The following TTLL5 variants were observed in gnomAD, a reference collection of about 807,000 sequenced individuals.
TTLL5 encodes tubulin polyglutamylase TTLL5.
TTLL5 carries 132 observed loss-of-function variants against 168.4 expected under a neutral mutation model. The observed-to-expected ratio is 0.78, with a 90% CI of 0.68 to 0.91. TTLL5 has a LOEUF of 0.91. TTLL5 is among the 40% of genes least tolerant of loss of function. The pLI is 0.00. For missense variants in TTLL5, 1,545 were observed against 1,581.5 expected, an observed-to-expected ratio of 0.98 and a Z score of 0.39; for synonymous variants, 546 against 558.6, an observed-to-expected ratio of 0.98 and a Z score of 0.32.
At chr14:75,745,697 A>G (rs1889566212) in intron 17 of TTLL5, 116 bp downstream of exon 17, 1 of 770,036 alleles carries the variant, frequency 1.3e-6, no homozygotes, top group Middle Eastern at 3.2e-4. Context: ...TTGTTTATTT[A>G]TAATATGATA....
intron 24 of TTLL5, 29 bp from the exon 25 acceptor site, chr14:75,782,458 G>C: frequency 6.4e-7 from 1 of 1,563,462 alleles, no homozygotes; most frequent in Non-Finnish European, 8.8e-7. Context: ...GATTATAAGA[G>C]AGTCCAAGCT....
At chr14:75,706,089 T>A (rs563592374) in intron 7 of TTLL5, among the ~76,000 whole-genome samples, 1 of 152,308 alleles carries the variant, frequency 6.6e-6, no homozygotes, top group African/African-American at 2.4e-5. Flanking sequence ...CTGGGCTTGG[T>A]GCGTGCCATC....
intron 31 of TTLL5, among the ~76,000 whole-genome samples, chr14:75,912,415 C>T (rs2033429507): frequency 6.6e-6 from 1 of 152,200 alleles, no homozygotes; most frequent in African/African-American, 2.4e-5. Context: ...GGGATTGTAG[C>T]TAGGCAGGTA....
At chr14:75,916,366 G>A (rs1464247897) in intron 31 of TTLL5, among the ~76,000 whole-genome samples, 2 of 151,854 alleles carry the variant, frequency 1.3e-5, no homozygotes, top group Admixed American at 6.6e-5. Flanking sequence ...TACTGGCCAG[G>A]TGCAGTGGCT....
At chr14:75,773,513 C>T (rs1318062391) in intron 21 of TTLL5, among the ~76,000 whole-genome samples, 5 of 152,126 alleles carry the variant, frequency 3.3e-5, no homozygotes, top group African/African-American at 1.2e-4. Context: ...GGAATTCACA[C>T]AGTATTTCTT....
At chr14:75,951,065 C>G (rs2034946699) in intron 31 of TTLL5, among the ~76,000 whole-genome samples, 1 of 151,812 alleles carries the variant, frequency 6.6e-6, no homozygotes, top group South Asian at 2.1e-4. Context: ...TTATCTGGGC[C>G]AGGTGTGGTG....
rs886236916 is a variant in TTLL5, at chr14:75,704,963, T to G, written c.586-2055T>G. Reference sequence around the variant, plus strand: ...TGACCACTATCAGCATATTCTCTGCTGTGGAGAAAAGTTGGGTGAGTAGAT... The same window carrying G: ...TGACCACTATCAGCATATTCTCTGCGGTGGAGAAAAGTTGGGTGAGTAGAT... On this transcript the variant is annotated intron_variant, in intron 7 of 31. Transcript: ENST00000298832. Among the ~76,000 whole-genome samples, 9 of 152,334 alleles carry G rather than the reference T, an allele frequency of 5.9e-5. 1 individual carries two copies. Among genetic ancestry groups the G allele is most frequent in the South Asian group, 2.1e-4 (1 of 4,832 alleles).
rs1891172232 is a variant in TTLL5 at position 75,769,825 on chromosome 14, G to A, written c.2016-1909G>A. On this transcript the variant is annotated intron_variant, in intron 20 of 31. Transcript: ENST00000298832. ...GCTTATAGGATTGATTCAGGGTAAA[G>A]TGATATATGCTCTCTGGGTAAACAA... 2.0e-5 allele frequency among the ~76,000 whole-genome samples: 3 copies of A among 152,124 alleles called. No individual in the cohort carries two copies. The South Asian group carries it at 6.2e-4, about 31-fold the overall frequency.
intron 26 of TTLL5, among the ~76,000 whole-genome samples, chr14:75,784,704 C>T (rs778413251): frequency 1.3e-4 from 20 of 152,148 alleles, no homozygotes; most frequent in Non-Finnish European, 2.2e-4. Context: ...TTACTAACAG[C>T]AATGTTTGAG....
At chr14:75,886,567 A>G in intron 30 of TTLL5, 1 of 1,075,866 alleles carries the variant, frequency 9.3e-7, no homozygotes, top group Non-Finnish European at 1.3e-6. Context: ...ATATACTTGT[A>G]TTTCATTTAG....
intron 3 of TTLL5, among the ~76,000 whole-genome samples, chr14:75,672,117 A>G (rs1361232519): frequency 6.6e-6 from 1 of 152,198 alleles, no homozygotes; most frequent in African/African-American, 2.4e-5. Flanking sequence ...AACTGAAATG[A>G]TATTTCCCCC....
At chr14:75,666,070 A>C (rs17103566) in intron 2 of TTLL5, among the ~76,000 whole-genome samples, 2 of 152,076 alleles carry the variant, frequency 1.3e-5, no homozygotes, top group Non-Finnish European at 2.9e-5. Context: ...TTTAACTGTT[A>C]ATCTTGTTTC....
At chr14:75,679,066 A>G (rs1884396403) in intron 3 of TTLL5, among the ~76,000 whole-genome samples, 2 of 152,242 alleles carry the variant, frequency 1.3e-5, no homozygotes, top group South Asian at 4.1e-4. Context: ...GGTAGGCAGA[A>G]TAATGGTCCC....
intron 9 of TTLL5, chr14:75,711,456 C>T (rs991222339): frequency 3.3e-5 from 5 of 152,120 alleles, no homozygotes; most frequent in African/African-American, 1.2e-4. Context: ...GATGAGTTGA[C>T]AGAGCCCTTT....
chr14:75,734,639 C>T (rs920604462), intron 14 of TTLL5, among the ~76,000 whole-genome samples: 1 of 152,078 alleles, frequency 6.6e-6, no homozygotes, highest in Non-Finnish European at 1.5e-5. Context: ...CTCTATTCTC[C>T]CTGGATGGGA....
At position 75,779,620 on chromosome 14, in the gene TTLL5, C is replaced by A. The variant is rs1311697928; in HGVS notation, c.2433C>A (p.Asn811Lys). 6.2e-7 allele frequency: 1 copy of A among 1,613,672 alleles called. No homozygotes were observed. Among genetic ancestry groups the A allele is most frequent in the Non-Finnish European group, 8.5e-7 (1 of 1,179,840 alleles). Residue 811 changes from asparagine (N) to lysine (K), a missense_variant, in exon 24 of 32, where the codon AAC becomes AAA. Transcript: ENST00000298832. ...TGTTGACTTTTTATACCCAAAAGAACAAGTCTGCTAGTGTCTTCCTGGGGA... is the reference window on the plus strand; with the variant it reads ...TGTTGACTTTTTATACCCAAAAGAAAAAGTCTGCTAGTGTCTTCCTGGGGA... ...EEVLTFYTQK[N>K]KSASVFLGTH...
chr14:75,847,422 T>A (rs1489453498), intron 28 of TTLL5, among the ~76,000 whole-genome samples: 1 of 152,152 alleles, frequency 6.6e-6, no homozygotes, highest in Non-Finnish European at 1.5e-5. Flanking sequence ...TTGGATTATG[T>A]CTCACTGAAC....
chr14:75,920,179 G>C (rs2140136474), intron 31 of TTLL5, among the ~76,000 whole-genome samples: 1 of 152,226 alleles, frequency 6.6e-6, no homozygotes, highest in Middle Eastern at 3.4e-3. Context: ...CCACAGAGTG[G>C]CAGAAATTAT....
At chr14:75,941,989 G>A (rs2034622878) in intron 31 of TTLL5, among the ~76,000 whole-genome samples, 1 of 149,856 alleles carries the variant, frequency 6.7e-6, no homozygotes, top group African/African-American at 2.5e-5. Context: ...AGACCATCCT[G>A]GCTAACATGG....
Sources: gnomAD v4.1 joint callset for allele counts (sites outside exome capture counted in the v4.1 genomes callset) on GRCh38, gnomAD v4.1.1 for gene constraint, MANE v1.5 for transcripts, NCBI Gene and HGNC (gene_info 2026-07-23, HGNC 2026-07-21) for gene names.